Variants in SP3 observed in about 807,000 individuals in gnomAD.
SP3 encodes the protein transcription factor Sp3.
SP3 carries 10 observed loss-of-function variants against 70.3 expected under a neutral mutation model. The observed-to-expected ratio is 0.14, with a 90% CI of 0.09 to 0.24. The LOEUF is 0.24. Among genes scored for constraint, SP3 ranks in the 10% least tolerant of loss-of-function variants. SP3 has a pLI of 1.00. For missense variants in SP3, 825 were observed against 914.6 expected (o/e 0.90, Z 1.26); for synonymous variants, 402 against 333.5 (o/e 1.21, Z -2.24).
At position 173,964,931 on chromosome 2, in the gene SP3, A is replaced by T. The variant is rs1691244122; in HGVS notation, c.7+234T>A. The T allele has an allele frequency of 1.1e-5, 6 of 531,446 alleles. No homozygotes were observed. In the Admixed American group the frequency reaches 2.5e-4, roughly 22 times the overall value. The allele number at this position is 531,446 out of a possible 1,614,324, so 32.9% of individuals were successfully genotyped here. On this transcript the variant is annotated intron_variant, in intron 1 of 6. Coordinates refer to ENST00000310015, the MANE Select transcript of SP3 (RefSeq NM_003111.5). ...ACACAGGGGGATGCGCTCCCGGCGG[A>T]CCGGGCCGCCCGCCCCGGGGCCTGG...
At chr2:173,931,159 T>G (rs1423298311) in intron 4 of SP3, among the ~76,000 whole-genome samples, 2 of 152,260 alleles carry the variant, frequency 1.3e-5, no homozygotes, top group East Asian at 3.8e-4. Flanking sequence ...AACAATCATC[T>G]GAGCCTTCAG....
chr2:173,935,990 T>C (rs1273972276), intron 4 of SP3, among the ~76,000 whole-genome samples: 1 of 152,142 alleles, frequency 6.6e-6, no homozygotes, highest in East Asian at 1.9e-4. Flanking sequence ...CCTTACTTTC[T>C]CCCTGTTTAA....
chr2:173,964,301 G>A (rs1426522624), intron 2 of SP3, 104 bp downstream of exon 2: 41 of 574,264 alleles, frequency 7.1e-5, no homozygotes, highest in South Asian at 3.9e-4. Context: ...GGAGGGGAGG[G>A]GAGAGACGAG....
At chr2:173,964,933 C>A (rs1210811533) in intron 1 of SP3, 1 of 545,086 alleles carries the variant, frequency 1.8e-6, no homozygotes, top group East Asian at 3.5e-5. Context: ...CCCGGCGGAC[C>A]GGGCCGCCCG....
intron 1 of SP3, 200 bp downstream of exon 1, chr2:173,964,965 C>T (rs1574432641): frequency 1.6e-6 from 1 of 638,512 alleles, no homozygotes. Flanking sequence ...GGCGGGGAGA[C>T]GGCGTTGCTG....
intron 3 of SP3, 30 bp downstream of exon 3, chr2:173,963,714 TGGCGGGCGCCCGGCCTC>T (rs1354790616): frequency 2.6e-6 from 2 of 782,576 alleles, no homozygotes; most frequent in African/African-American, 3.8e-5. Context: ...GGGTCCGGGA[TGGCGGGCGCCCGGCCTC>T]GGCGGGGGCG....
intron 1 of SP3, chr2:173,964,960 G>A (rs1691245036): frequency 3.2e-6 from 2 of 624,644 alleles, no homozygotes; most frequent in South Asian, 2.4e-5. Flanking sequence ...GGCCTGGCGG[G>A]GAGACGGCGT....
At chr2:173,956,279 T>A (rs766667551) in intron 3 of SP3, 47 bp from the exon 4 acceptor site, 9 of 1,514,664 alleles carry the variant, frequency 5.9e-6, no homozygotes, top group Non-Finnish European at 7.0e-6. Flanking sequence ...TATATTTAAA[T>A]CAACCCTCAA....
rs1689426703 is a variant in SP3, at chr2:173,909,828, T to C, written c.*113A>G. 1.1e-6 allele frequency: 1 copy of C among 906,708 alleles called. No homozygotes were observed. Among genetic ancestry groups the C allele is most frequent in the South Asian group, 1.7e-5 (1 of 57,566 alleles). The allele number at this position is 906,708 out of a possible 1,614,324, so 56.2% of individuals were successfully genotyped here. On this transcript the variant is annotated 3_prime_UTR_variant, in exon 7 of 7. Transcript: ENST00000310015. ...TCAGTGTCATGTATAACCAAGTTAC[T>C]GTCAATCCAAAAATTTTTGCACATC...
chr2:173,951,185 T>TA (rs1690702693), intron 4 of SP3, among the ~76,000 whole-genome samples: 1 of 152,216 alleles, frequency 6.6e-6, no homozygotes, highest in Non-Finnish European at 1.5e-5. Context: ...CTAACACCTA[T>TA]AGAACGCTGT....
chr2:173,949,052 G>A (rs1690630650), intron 4 of SP3, among the ~76,000 whole-genome samples: 3 of 151,910 alleles, frequency 2.0e-5, no homozygotes, highest in Non-Finnish European at 4.4e-5. Flanking sequence ...GTGTAAGAGG[G>A]GCAAAAGGAG....
intron 4 of SP3, among the ~76,000 whole-genome samples, chr2:173,933,673 A>ATATATATATATAT (rs1559098593): frequency 6.5e-5 from 4 of 61,650 alleles, no homozygotes; most frequent in South Asian, 9.2e-4. Flanking sequence ...TATATATATA[A>ATATATATATATAT]AAGTTATAAA....
In SP3 at chr2:173,909,502, T is replaced by G. The variant is rs1022200391; in HGVS notation, c.*439A>C. Reference sequence around the variant, plus strand: ...TTGCTTGGAAACTTGATTTGTCAGTTATGCATAATAAAAATTCCAGTCATC... The same window carrying G: ...TTGCTTGGAAACTTGATTTGTCAGTGATGCATAATAAAAATTCCAGTCATC... On this transcript the variant is annotated 3_prime_UTR_variant, in exon 7 of 7. Transcript: ENST00000310015. 1 of 159,932 alleles carries G rather than the reference T, an allele frequency of 6.3e-6. No individual in the cohort carries two copies. Among genetic ancestry groups the G allele is most frequent in the East Asian group, 1.9e-4 (1 of 5,316 alleles). 9.9% of individuals were successfully genotyped at this position (159,932 alleles called of 1,614,324 possible).
chr2:173,914,161 C>T (rs888649552), intron 5 of SP3: 1 of 85,972 alleles, frequency 1.2e-5, no homozygotes, highest in African/African-American at 5.1e-5. Flanking sequence ...TATTTCTCAA[C>T]CTTTTAAAAT....
intron 4 of SP3, among the ~76,000 whole-genome samples, chr2:173,930,895 A>G (rs1559097254): frequency 6.6e-6 from 1 of 152,252 alleles, no homozygotes; most frequent in Non-Finnish European, 1.5e-5. Context: ...ACATTAAAAA[A>G]GTAAAACTCA....
At chr2:173,943,466 G>A (rs1425136203) in intron 4 of SP3, among the ~76,000 whole-genome samples, 3 of 152,030 alleles carry the variant, frequency 2.0e-5, no homozygotes, top group Non-Finnish European at 4.4e-5. Flanking sequence ...ATACTCCATG[G>A]TTATTCCATA....
intron 4 of SP3, among the ~76,000 whole-genome samples, chr2:173,941,129 A>T (rs1213697027): frequency 1.8e-5 from 2 of 111,984 alleles, no homozygotes; most frequent in Non-Finnish European, 3.5e-5. Flanking sequence ...AACACGAGTA[A>T]AAAAAAAAAA....
intron 4 of SP3, among the ~76,000 whole-genome samples, chr2:173,946,721 CTT>C (rs35419725): frequency 5.0e-4 from 65 of 129,158 alleles, no homozygotes; most frequent in Admixed American, 4.1e-4. Context: ...AAAGATCTGC[CTT>C]TTTTTTTTTT....
chr2:173,953,891 T>C (rs1184555512), intron 4 of SP3, among the ~76,000 whole-genome samples: 2 of 152,166 alleles, frequency 1.3e-5, no homozygotes, highest in African/African-American at 2.4e-5. Flanking sequence ...TTAAAGGATT[T>C]CCAAATACGG....
Sources: gnomAD v4.1 joint callset for allele counts (sites outside exome capture counted in the v4.1 genomes callset) on GRCh38, gnomAD v4.1.1 for gene constraint, MANE v1.5 for transcripts, NCBI Gene and HGNC (gene_info 2026-07-23, HGNC 2026-07-21) for gene names.